Variants in DSTN observed in about 807,000 individuals in gnomAD.
DSTN encodes destrin.
A neutral mutation model predicts 16.8 loss-of-function variants in DSTN; 10 were observed. That is an observed-to-expected ratio of 0.60 (90% CI 0.37 to 1.01). The LOEUF is 1.01. Among genes scored for constraint, DSTN ranks in the 50% least tolerant of loss-of-function variants. The pLI is 0.01. For missense variants in DSTN, 141 were observed against 196.7 expected (o/e 0.72, Z 1.69); for synonymous variants, 57 against 58.9 (o/e 0.97, Z 0.14).
At chr20:17,591,251 A>G (rs571003706) in intron 1 of DSTN, among the ~76,000 whole-genome samples, 1 of 152,270 alleles carries the variant, frequency 6.6e-6, no homozygotes, top group Admixed American at 6.5e-5. Context: ...AATATTCACC[A>G]TGATGTTGTT....
chr20:17,578,104 TA>T (rs2035300125), intron 1 of DSTN, among the ~76,000 whole-genome samples: 1 of 152,266 alleles, frequency 6.6e-6, no homozygotes, highest in Non-Finnish European at 1.5e-5. Context: ...GTGTACCAAC[TA>T]AATTCTCTGC....
intron 2 of DSTN, among the ~76,000 whole-genome samples, chr20:17,601,794 C>T (rs187628149): frequency 2.4e-4 from 36 of 152,132 alleles, no homozygotes; most frequent in East Asian, 3.9e-4. Context: ...TCAGGCAAGT[C>T]GGTATTTGAG....
chr20:17,590,141 G>T (rs1200459777), intron 1 of DSTN, among the ~76,000 whole-genome samples: 1 of 152,184 alleles, frequency 6.6e-6, no homozygotes, highest in Non-Finnish European at 1.5e-5. Context: ...AAAATTTAAT[G>T]CTCACGTTTC....
At chr20:17,605,337 A>G in intron 3 of DSTN, 1 of 343,888 alleles carries the variant, frequency 2.9e-6, no homozygotes, top group South Asian at 2.2e-5. Flanking sequence ...TGATTCTCTC[A>G]GCTGTAGAAG....
At chr20:17,588,141 A>C (rs191517205) in intron 1 of DSTN, among the ~76,000 whole-genome samples, 1 of 152,226 alleles carries the variant, frequency 6.6e-6, no homozygotes, top group Non-Finnish European at 1.5e-5. Context: ...GCAGAAAGGC[A>C]TAGGCCACAG....
chr20:17,605,344 G>C (rs536015467), intron 3 of DSTN: 10 of 341,216 alleles, frequency 2.9e-5, no homozygotes, highest in South Asian at 1.6e-4. Context: ...CTCAGCTGTA[G>C]AAGGGGAGAC....
In DSTN at chr20:17,570,857, T is replaced by C. The variant is rs1049018074; in HGVS notation, c.3+646T>C. Among the ~76,000 whole-genome samples, 32 of 152,302 alleles carry C rather than the reference T, an allele frequency of 2.1e-4. No homozygotes were observed. The East Asian group carries it at 6.2e-3, about 29-fold the overall frequency. On this transcript the variant is annotated intron_variant, in intron 1 of 3. Coordinates refer to ENST00000246069, the MANE Select transcript of DSTN (RefSeq NM_006870.4). ...CTTCCAGCAGCACTCTCGTCGTGCT[T>C]GTCAAGCTTGGCAGTGTCTGTTTTA...
intron 1 of DSTN, among the ~76,000 whole-genome samples, chr20:17,586,892 G>T (rs963054343): frequency 6.6e-6 from 1 of 152,174 alleles, no homozygotes; most frequent in Non-Finnish European, 1.5e-5. Flanking sequence ...TAGCTGACTT[G>T]CCCAAGTTAC....
At chr20:17,572,692 A>G (rs950156891) in intron 1 of DSTN, among the ~76,000 whole-genome samples, 5 of 152,238 alleles carry the variant, frequency 3.3e-5, no homozygotes, top group Non-Finnish European at 7.3e-5. Flanking sequence ...TTGGGCATGT[A>G]TTCACATGCC....
At chr20:17,590,780 A>C (rs1489053512) in intron 1 of DSTN, among the ~76,000 whole-genome samples, 1 of 152,228 alleles carries the variant, frequency 6.6e-6, no homozygotes, top group Non-Finnish European at 1.5e-5. Flanking sequence ...TTCTTGACAA[A>C]TGAGCAATTA....
At chr20:17,588,641 G>A (rs965632196) in intron 1 of DSTN, among the ~76,000 whole-genome samples, 3 of 151,910 alleles carry the variant, frequency 2.0e-5, no homozygotes, top group South Asian at 2.1e-4. Flanking sequence ...AAAATTAGCC[G>A]GGTATGGTGG....
chr20:17,586,041 C>T (rs1298395376), intron 1 of DSTN, among the ~76,000 whole-genome samples: 1 of 151,976 alleles, frequency 6.6e-6, no homozygotes, highest in Non-Finnish European at 1.5e-5. Context: ...CTTCCTTATG[C>T]TGAGAAAACA....
In DSTN at chr20:17,585,649, A is replaced by G. The variant is rs2035397846; in HGVS notation, c.4-15089A>G. On this transcript the variant is annotated intron_variant, in intron 1 of 3. Transcript: ENST00000246069. ...CACATATATATGTACACACACATAT[A>G]TACACACACACACATATATATACAT... 2.0e-5 allele frequency among the ~76,000 whole-genome samples: 3 copies of G among 152,214 alleles called. No individual in the cohort carries two copies. The South Asian group carries it at 6.2e-4, about 32-fold the overall frequency.
At chr20:17,591,043 G>A (rs980730836) in intron 1 of DSTN, among the ~76,000 whole-genome samples, 1 of 152,236 alleles carries the variant, frequency 6.6e-6, no homozygotes, top group Non-Finnish European at 1.5e-5. Context: ...GGGAGATTGA[G>A]GCTGCAGTGA....
chr20:17,586,957 A>G (rs530869974), intron 1 of DSTN, among the ~76,000 whole-genome samples: 3 of 152,294 alleles, frequency 2.0e-5, no homozygotes, highest in Admixed American at 2.0e-4. Flanking sequence ...TCTGGTTAAA[A>G]AGGTCTTCAA....
intron 1 of DSTN, among the ~76,000 whole-genome samples, chr20:17,591,653 T>C (rs1026851616): frequency 1.3e-5 from 2 of 152,240 alleles, no homozygotes; most frequent in East Asian, 3.8e-4. Flanking sequence ...CCAGATATTC[T>C]GAATCAGAAT....
At chr20:17,589,519 A>G (rs2035447991) in intron 1 of DSTN, among the ~76,000 whole-genome samples, 1 of 152,202 alleles carries the variant, frequency 6.6e-6, no homozygotes, top group South Asian at 2.1e-4. Flanking sequence ...TCCGCATCTT[A>G]ATATAGGACC....
In DSTN at chr20:17,608,840, A is replaced by G. The variant is rs1392142781; in HGVS notation, c.*1694A>G. 3 of 152,190 alleles carry G rather than the reference A, an allele frequency of 2.0e-5. No individual in the cohort carries two copies. The highest frequency in any genetic ancestry group is 4.4e-5 in the Non-Finnish European group (3 of 68,036). The allele number at this position is 152,190 out of a possible 1,614,324, so 9.4% of individuals were successfully genotyped here. ...TTGATACACAGCTGTGCATTATTAC[A>G]TGTCAAAGACTGCATATACTATGGT... On this transcript the variant is annotated 3_prime_UTR_variant, in exon 4 of 4. Transcript: ENST00000246069.
intron 1 of DSTN, among the ~76,000 whole-genome samples, chr20:17,592,580 C>T (rs183283274): frequency 2.2e-5 from 3 of 134,168 alleles, no homozygotes. Flanking sequence ...TATACTATAC[C>T]TTGTGGGTTT....
Sources: gnomAD v4.1 joint callset for allele counts (sites outside exome capture counted in the v4.1 genomes callset) on GRCh38, gnomAD v4.1.1 for gene constraint, MANE v1.5 for transcripts, NCBI Gene and HGNC (gene_info 2026-07-23, HGNC 2026-07-21) for gene names.